ERP27: variants seen among roughly 807,000 people sequenced by gnomAD.
ERP27 encodes endoplasmic reticulum protein 27, also known as endoplasmic reticulum resident protein 27.
In ERP27, 23 loss-of-function variants were observed where a neutral mutation model predicts 27.7. That is an observed-to-expected ratio of 0.83 (90% CI 0.60 to 1.18). ERP27 has a LOEUF of 1.18. Ranked by LOEUF, ERP27 falls within the 50% of genes most tolerant of loss-of-function variation. ERP27 has a pLI of 0.00. For missense variants in ERP27, 363 were observed against 327.9 expected (o/e 1.11, Z -0.83); for synonymous variants, 159 against 118.3 (o/e 1.34, Z -2.23).
chr12:14,932,168 G>T (rs143116191), intron 3 of ERP27, among the ~76,000 whole-genome samples: 3 of 152,142 alleles, frequency 2.0e-5, no homozygotes, highest in South Asian at 2.1e-4. Flanking sequence ...ATAAGTCATC[G>T]TTTCCAGCCT....
chr12:14,938,511 T>C lies in ERP27; in HGVS notation c.-3A>G, dbSNP rs1863806280. The stretch of plus-strand genomic sequence containing the variant: ...AACCTGGACGGGGCAGCTTCCATTG[T>C]CCCTCTCCTGCTCCTGCTCCAACCC... On this transcript the variant is annotated 5_prime_UTR_variant, in exon 1 of 7. Transcript: ENST00000266397. 1 of 1,606,522 alleles carries C rather than the reference T, an allele frequency of 6.2e-7. No individual in the cohort carries two copies. Among genetic ancestry groups the C allele is most frequent in the Non-Finnish European group, 8.5e-7 (1 of 1,176,424 alleles).
intron 2 of ERP27, among the ~76,000 whole-genome samples, chr12:14,935,403 GT>G (rs1265000590): frequency 2.0e-5 from 3 of 152,120 alleles, no homozygotes; most frequent in African/African-American, 7.2e-5. Context: ...CTCTATTTTT[GT>G]TTAAAGGGCA....
chr12:14,916,475 G>T (rs1863413289), intron 5 of ERP27, among the ~76,000 whole-genome samples: 1 of 152,016 alleles, frequency 6.6e-6, no homozygotes, highest in African/African-American at 2.4e-5. Context: ...TCAGCTTTTG[G>T]CCTATAGTAA....
In ERP27 at chr12:14,938,447, G is replaced by T. The variant is rs769227573; in HGVS notation, c.62C>A (p.Ala21Glu). 1.3e-5 allele frequency: 21 copies of T among 1,613,958 alleles called. No homozygotes were observed. The South Asian group carries it at 2.3e-4, about 18-fold the overall frequency. The part of the protein sequence containing the change: ...LLFLLTCELA[A>E]EVAAEVEKSS... ...TTTCTCAACTTCTGCAGCAACTTCTGCAGCCAGCTCACACGTGAGGAGAAA... is the reference window on the plus strand; with the variant it reads ...TTTCTCAACTTCTGCAGCAACTTCTTCAGCCAGCTCACACGTGAGGAGAAA... The change falls in exon 1 of 7, where the codon GCA becomes GAA. Residue 21 changes from alanine (A) to glutamate (E), a missense_variant. Transcript: ENST00000266397.
intron 3 of ERP27, among the ~76,000 whole-genome samples, chr12:14,931,692 C>T (rs1048969094): frequency 3.3e-5 from 5 of 152,034 alleles, no homozygotes; most frequent in Non-Finnish European, 7.3e-5. Flanking sequence ...AAATTGTAAG[C>T]AACGCCAGTG....
At chr12:14,932,727 A>G (rs1863714715) in intron 3 of ERP27, among the ~76,000 whole-genome samples, 1 of 152,234 alleles carries the variant, frequency 6.6e-6, no homozygotes, top group South Asian at 2.1e-4. Flanking sequence ...TCTGTTCAGA[A>G]GCTAATGAAA....
chr12:14,929,754 A>G (rs574395509), intron 3 of ERP27, among the ~76,000 whole-genome samples: 12 of 152,160 alleles, frequency 7.9e-5, no homozygotes, highest in Non-Finnish European at 1.6e-4. Context: ...TATTTCAGCT[A>G]TATTCATTTG....
intron 3 of ERP27, among the ~76,000 whole-genome samples, chr12:14,932,281 T>A (rs1240859942): frequency 6.6e-6 from 1 of 152,178 alleles, no homozygotes; most frequent in Non-Finnish European, 1.5e-5. Flanking sequence ...GAGTTACATA[T>A]AGAGGAATGC....
intron 3 of ERP27, among the ~76,000 whole-genome samples, chr12:14,927,776 A>T (rs1214877717): frequency 6.8e-6 from 1 of 147,460 alleles, no homozygotes; most frequent in African/African-American, 2.5e-5. Flanking sequence ...ACACACACAC[A>T]CTTACACACA....
intron 3 of ERP27, among the ~76,000 whole-genome samples, chr12:14,930,893 T>C (rs538815983): frequency 6.6e-6 from 1 of 152,354 alleles, no homozygotes; most frequent in South Asian, 2.1e-4. Flanking sequence ...TAAATAATTC[T>C]GCAGTTTGAT....
chr12:14,915,553 G>C lies in ERP27; in HGVS notation c.710C>G (p.Thr237Arg), dbSNP rs758236134. The change falls in exon 6 of 7, where the codon ACA (threonine) becomes AGA (arginine). Residue 237 changes from threonine (T) to arginine (R), a missense_variant. Thr to Arg is a moderately conservative substitution (Grantham distance 71, BLOSUM62 -1). Coordinates refer to ENST00000266397, the MANE Select transcript of ERP27 (RefSeq NM_152321.4). ...CACATGCTCTACGGAAACTTCTGCT[G>C]TGGGCAGTGTATCCCACTCGTCATC... ...TLDDEWDTLP[T>R]AEVSVEHVQN... is the part of the protein sequence containing the mutation. The C allele has an allele frequency of 2.0e-5, 33 of 1,614,120 alleles. No homozygotes were observed. Among genetic ancestry groups the C allele is most frequent in the Non-Finnish European group, 2.6e-5 (31 of 1,180,038 alleles).
At chr12:14,927,981 C>G (rs560528481) in intron 3 of ERP27, among the ~76,000 whole-genome samples, 1 of 152,260 alleles carries the variant, frequency 6.6e-6, no homozygotes, top group Admixed American at 6.5e-5. Context: ...TACTCATACC[C>G]ATAAAGACAC....
chr12:14,925,451 T>C (rs1863585756), intron 3 of ERP27, among the ~76,000 whole-genome samples: 1 of 152,216 alleles, frequency 6.6e-6, no homozygotes, highest in South Asian at 2.1e-4. Context: ...TAGAAGGCTC[T>C]AAATGCACTC....
intron 2 of ERP27, among the ~76,000 whole-genome samples, chr12:14,936,168 T>C (rs1457954800): frequency 1.3e-5 from 2 of 151,560 alleles, no homozygotes; most frequent in Admixed American, 1.3e-4. Context: ...AAATATGAAA[T>C]AGACGCCATC....
chr12:14,937,744 A>G (rs990708326), intron 2 of ERP27, among the ~76,000 whole-genome samples: 1 of 152,212 alleles, frequency 6.6e-6, no homozygotes, highest in African/African-American at 2.4e-5. Flanking sequence ...AGAACTCTTG[A>G]AGTAAGTATG....
At position 14,917,310 on chromosome 12, in the gene ERP27, AGTCGAAATGT is replaced by A. The variant is rs1863426809; in HGVS notation, c.451-17_451-8del. 1.2e-6 allele frequency: 2 copies of A among 1,614,040 alleles called. No homozygotes were observed. The highest frequency in any genetic ancestry group is 1.7e-6 in the Non-Finnish European group (2 of 1,180,010). On this transcript the variant is annotated splice_polypyrimidine_tract_variant and splice_region_variant and intron_variant, in intron 4 of 6. Transcript: ENST00000266397. Reference sequence around the variant, plus strand: ...TGAATAACCCAATCACAGTCTGGCAAGTCGAAATGTGTTACAGTAGAGTGAAAGCGAGAAA... The same window carrying A: ...TGAATAACCCAATCACAGTCTGGCAAGTTACAGTAGAGTGAAAGCGAGAAA...
intron 4 of ERP27, among the ~76,000 whole-genome samples, chr12:14,917,946 C>T (rs559677354): frequency 6.6e-6 from 1 of 152,332 alleles, no homozygotes; most frequent in East Asian, 1.9e-4. Flanking sequence ...CAATAGACAA[C>T]TAATACACTA....
At chr12:14,924,265 CCATTCATCTGCT>C (rs1304766583) in intron 3 of ERP27, among the ~76,000 whole-genome samples, 1 of 152,158 alleles carries the variant, frequency 6.6e-6, no homozygotes, top group Non-Finnish European at 1.5e-5. Context: ...ATTTCTTTCT[CCATTCATCTGCT>C]CATGGACACG....
chr12:14,916,109 C>T lies in ERP27; in HGVS notation c.577-423G>A, dbSNP rs138575372. ...GTGGGTGATGAAATCATCTGTACAACGAAGTCCCATAACACAAGTTCAACT... is the reference window on the plus strand; with the variant it reads ...GTGGGTGATGAAATCATCTGTACAATGAAGTCCCATAACACAAGTTCAACT... On this transcript the variant is annotated intron_variant, in intron 5 of 6. Transcript: ENST00000266397. 3.5e-4 allele frequency among the ~76,000 whole-genome samples: 54 copies of T among 152,188 alleles called. 1 individual carries two copies. The East Asian group carries it at 8.3e-3, about 23-fold the overall frequency.
Sources: allele counts gnomAD v4.1 joint callset (sites outside exome capture counted in the v4.1 genomes callset), GRCh38; gene constraint gnomAD v4.1.1; transcripts MANE v1.5; gene names NCBI Gene and HGNC (gene_info 2026-07-23, HGNC 2026-07-21).